AUTS2: variants seen among roughly 807,000 people sequenced by gnomAD.
AUTS2 encodes activator of transcription and developmental regulator AUTS2, also known as autism susceptibility gene 2 protein.
In AUTS2, 17 loss-of-function variants were observed where a neutral mutation model predicts 112.4. The observed-to-expected ratio is 0.15, with a 90% confidence interval of 0.10 to 0.23. The LOEUF (loss-of-function observed/expected upper bound fraction) is 0.23. Among genes scored for constraint, AUTS2 ranks in the 10% least tolerant of loss-of-function variants. The pLI is 1.00. For synonymous variants in AUTS2, 751 were observed against 702.7 expected (o/e 1.07, Z -1.09); for missense variants, 1,510 against 1,701.6 (o/e 0.89, Z 1.98).
At chr7:69,713,816 A>G (rs963281097) in intron 1 of AUTS2, among the ~76,000 whole-genome samples, 5 of 152,126 alleles carry the variant, frequency 3.3e-5, no homozygotes, top group African/African-American at 1.2e-4. Flanking sequence ...TATGATTTGC[A>G]GATAATATTC....
chr7:70,618,203 C>T (rs985666328), intron 5 of AUTS2, among the ~76,000 whole-genome samples: 1 of 152,188 alleles, frequency 6.6e-6, no homozygotes, highest in Non-Finnish European at 1.5e-5. Flanking sequence ...GTGACTGCTG[C>T]GCTGGTCCCG....
intron 4 of AUTS2, among the ~76,000 whole-genome samples, chr7:70,327,983 G>A (rs929048112): frequency 6.6e-6 from 1 of 152,090 alleles, no homozygotes; most frequent in African/African-American, 2.4e-5. Flanking sequence ...CCCCCAGTTG[G>A]ATCCATGGAA....
rs191802474 is a variant in AUTS2 at position 69,719,458 on chromosome 7, G to T, written c.309+119496G>T. On this transcript the variant is annotated intron_variant, in intron 1 of 18. Coordinates refer to ENST00000342771, the MANE Select transcript of AUTS2 (RefSeq NM_015570.4). ...GGGAATTGTCATACAGAAAAAGCTG[G>T]TAAGGTCTTTACATTTACCATGGAA... is the stretch of plus-strand genomic sequence containing the variant. Among the ~76,000 whole-genome samples the T allele has an allele frequency of 2.4e-3, 368 of 152,248 alleles. 2 individuals carry two copies. The highest frequency in any genetic ancestry group is 8.4e-3 in the African/African-American group (349 of 41,530).
rs1562971486 is a variant in AUTS2 at position 69,924,543 on chromosome 7, CTTTTCT to C, written c.522+25050_522+25055del. Among the ~76,000 whole-genome samples the C allele has an allele frequency of 2.7e-5, 4 of 149,394 alleles. No homozygotes were observed. The East Asian group carries it at 7.8e-4, about 29-fold the overall frequency. On this transcript the variant is annotated intron_variant, in intron 2 of 18. Transcript: ENST00000342771. Reference sequence around the variant, plus strand: ...TGTCTTTTCTTTTCTTTCTTTCTTTCTTTTCTTTTTTTTTTTTCTTTTTTTGAGACA... The same window carrying C: ...TGTCTTTTCTTTTCTTTCTTTCTTTCTTTTTTTTTTTCTTTTTTTGAGACA...
chr7:70,654,447 C>T (rs1177524879), intron 5 of AUTS2, among the ~76,000 whole-genome samples: 1 of 152,090 alleles, frequency 6.6e-6, no homozygotes, highest in African/African-American at 2.4e-5. Flanking sequence ...GCTTAATGAG[C>T]TGCTCTAAGC....
intron 5 of AUTS2, among the ~76,000 whole-genome samples, chr7:70,564,369 A>G (rs986387080): frequency 2.0e-5 from 3 of 152,160 alleles, no homozygotes; most frequent in Admixed American, 6.5e-5. Flanking sequence ...ATGTTTTTAT[A>G]CCCAGCACAT....
chr7:69,971,921 C>T (rs10281969), intron 2 of AUTS2, among the ~76,000 whole-genome samples: 1 of 152,102 alleles, frequency 6.6e-6, no homozygotes, highest in Admixed American at 6.6e-5. Flanking sequence ...CATAAGTTTT[C>T]TTTTCTCTAG....
At chr7:69,819,210 C>A (rs2129526212) in intron 1 of AUTS2, among the ~76,000 whole-genome samples, 1 of 152,318 alleles carries the variant, frequency 6.6e-6, no homozygotes, top group Admixed American at 6.5e-5. Context: ...ATGGGTTTTC[C>A]TTTTCCAGTA....
At chr7:69,950,947 C>T (rs1414505623) in intron 2 of AUTS2, among the ~76,000 whole-genome samples, 1 of 151,876 alleles carries the variant, frequency 6.6e-6, no homozygotes, top group Non-Finnish European at 1.5e-5. Context: ...CCAGCCAGGA[C>T]AACATAGCAA....
chr7:70,429,127 G>A (rs1585133649), intron 4 of AUTS2, among the ~76,000 whole-genome samples: 1 of 152,278 alleles, frequency 6.6e-6, no homozygotes, highest in East Asian at 1.9e-4. Flanking sequence ...AGTGTTTCTT[G>A]TACTTTCTCT....
chr7:69,934,573 G>A (rs886533376), intron 2 of AUTS2, among the ~76,000 whole-genome samples: 3 of 152,158 alleles, frequency 2.0e-5, no homozygotes, highest in Non-Finnish European at 4.4e-5. Context: ...GACATAATGA[G>A]AGTCATTATG....
intron 4 of AUTS2, among the ~76,000 whole-genome samples, chr7:70,258,970 C>T (rs993810553): frequency 4.6e-5 from 7 of 152,174 alleles, no homozygotes; most frequent in Admixed American, 1.3e-4. Flanking sequence ...CACCCAGCAT[C>T]GGGCCCTCCA....
At chr7:70,641,408 C>T (rs952031763) in intron 5 of AUTS2, among the ~76,000 whole-genome samples, 2 of 152,038 alleles carry the variant, frequency 1.3e-5, no homozygotes, top group East Asian at 1.9e-4. Context: ...AAAAAATAGC[C>T]GGGCATGGCG....
chr7:70,476,036 G>GA (rs1274409828), intron 5 of AUTS2, among the ~76,000 whole-genome samples: 2 of 151,706 alleles, frequency 1.3e-5, no homozygotes, highest in African/African-American at 4.8e-5. Context: ...CTCTTTGAAA[G>GA]AAAAAAAGAT....
At chr7:70,482,311 C>T (rs983651021) in intron 5 of AUTS2, among the ~76,000 whole-genome samples, 6 of 152,162 alleles carry the variant, frequency 3.9e-5, no homozygotes, top group African/African-American at 1.4e-4. Context: ...CTCCTGTACT[C>T]TCTGTGGCTT....
At chr7:70,600,817 G>A (rs768905089) in intron 5 of AUTS2, among the ~76,000 whole-genome samples, 13 of 152,118 alleles carry the variant, frequency 8.5e-5, no homozygotes, top group African/African-American at 1.7e-4. Flanking sequence ...GTTTCTTAAC[G>A]TTTTGAGAGT....
chr7:70,625,165 AT>A (rs1804872862), intron 5 of AUTS2, among the ~76,000 whole-genome samples: 1 of 152,142 alleles, frequency 6.6e-6, no homozygotes, highest in Non-Finnish European at 1.5e-5. Context: ...TGCATAATGA[AT>A]TAGAGATTCT....
intron 1 of AUTS2, among the ~76,000 whole-genome samples, chr7:69,891,394 G>A (rs1339496620): frequency 2.0e-5 from 3 of 152,120 alleles, no homozygotes; most frequent in Non-Finnish European, 4.4e-5. Flanking sequence ...ATGTACATTT[G>A]GGTTGTTTGC....
At chr7:69,789,714 G>C (rs1395298506) in intron 1 of AUTS2, among the ~76,000 whole-genome samples, 1 of 152,018 alleles carries the variant, frequency 6.6e-6, no homozygotes, top group Non-Finnish European at 1.5e-5. Context: ...TTCAGAGTAC[G>C]TTAAGATTCC....
Sources: gnomAD v4.1 joint callset for allele counts (sites outside exome capture counted in the v4.1 genomes callset) on GRCh38, gnomAD v4.1.1 for gene constraint, MANE v1.5 for transcripts, NCBI Gene and HGNC (gene_info 2026-07-23, HGNC 2026-07-21) for gene names.